NEK7: variants seen among roughly 807,000 people sequenced by gnomAD.
NEK7 encodes serine/threonine-protein kinase Nek7.
NEK7 carries 18 observed loss-of-function variants against 44.6 expected under a neutral mutation model. That is an observed-to-expected ratio of 0.40 (90% CI 0.28 to 0.60). NEK7 has a LOEUF of 0.60. NEK7 is among the 20% of genes least tolerant of loss of function. NEK7 has a pLI of 0.38. For missense variants in NEK7, 256 were observed against 366.5 expected, an observed-to-expected ratio of 0.70 and a Z score of 2.46; for synonymous variants, 130 against 121.1, an observed-to-expected ratio of 1.07 and a Z score of -0.48.
At chr1:198,251,762 C>T (rs1653005013) in intron 2 of NEK7, among the ~76,000 whole-genome samples, 2 of 151,818 alleles carry the variant, frequency 1.3e-5, no homozygotes, top group Non-Finnish European at 2.9e-5. Flanking sequence ...TGATTCTTCT[C>T]TCTTTTCTTC....
intron 1 of NEK7, among the ~76,000 whole-genome samples, chr1:198,222,877 G>A (rs374084764): frequency 3.3e-5 from 5 of 151,864 alleles, no homozygotes; most frequent in Admixed American, 6.6e-5. Context: ...AGAATCAAGC[G>A]GGGGGTGGGG....
At chr1:198,208,300 TTTTGTC>T (rs1415214095) in intron 1 of NEK7, among the ~76,000 whole-genome samples, 3 of 152,248 alleles carry the variant, frequency 2.0e-5, no homozygotes, top group African/African-American at 7.2e-5. Context: ...AATTTTTACT[TTTTGTC>T]TAGGTAGCTG....
chr1:198,295,446 C>T (rs887278321), intron 8 of NEK7, among the ~76,000 whole-genome samples: 7 of 152,070 alleles, frequency 4.6e-5, no homozygotes, highest in African/African-American at 1.7e-4. Flanking sequence ...AAAAATTCAG[C>T]TGCTGGGAGG....
At chr1:198,278,695 G>C (rs1330789413) in intron 6 of NEK7, among the ~76,000 whole-genome samples, 3 of 151,614 alleles carry the variant, frequency 2.0e-5, no homozygotes, top group Non-Finnish European at 4.4e-5. Flanking sequence ...TTTTGAAAAT[G>C]GAAAACAAAA....
chr1:198,228,795 C>T (rs556334721), intron 1 of NEK7, among the ~76,000 whole-genome samples: 1 of 152,156 alleles, frequency 6.6e-6, no homozygotes, highest in African/African-American at 2.4e-5. Context: ...TCTAGATATA[C>T]AATCATGTCA....
chr1:198,296,476 G>A (rs1410796373), intron 8 of NEK7, among the ~76,000 whole-genome samples: 1 of 151,966 alleles, frequency 6.6e-6, no homozygotes, highest in Non-Finnish European at 1.5e-5. Context: ...GTGTTTTTCT[G>A]CATAAAAATC....
rs763768664 is a variant in NEK7, at chr1:198,252,996, G to A, written c.58-44G>A. The A allele has an allele frequency of 1.1e-5, 17 of 1,549,080 alleles. No homozygotes were observed. The Admixed American group carries it at 2.4e-4, about 22-fold the overall frequency. On this transcript the variant is annotated intron_variant, in intron 2 of 9. Transcript: ENST00000367385. Reference sequence around the variant, plus strand: ...TGATCAGTGATTGTGTGTATTGCGTGTATATTGTGTGATTGAAAATTTTTC... The same window carrying A: ...TGATCAGTGATTGTGTGTATTGCGTATATATTGTGTGATTGAAAATTTTTC...
intron 9 of NEK7, among the ~76,000 whole-genome samples, chr1:198,310,327 G>A (rs1416727405): frequency 1.3e-5 from 2 of 151,908 alleles, no homozygotes; most frequent in East Asian, 3.9e-4. Flanking sequence ...TGAGTTCATT[G>A]TAGATTCTGG....
At chr1:198,192,386 A>G (rs1379990796) in intron 1 of NEK7, among the ~76,000 whole-genome samples, 3 of 139,018 alleles carry the variant, frequency 2.2e-5, no homozygotes, top group South Asian at 2.2e-4. Flanking sequence ...TTTGTTTTCT[A>G]TTTTCTCTAT....
chr1:198,214,262 G>GA lies in NEK7; in HGVS notation c.-28-18285dup, dbSNP rs201599360. Among the ~76,000 whole-genome samples, 312 of 152,134 alleles carry GA rather than the reference G, an allele frequency of 2.1e-3. 1 individual carries two copies. Among genetic ancestry groups the GA allele is most frequent in the African/African-American group, 7.3e-3 (304 of 41,520 alleles). ...ACCTGAAAAATAATTCTGGCAATAT[G>GA]AAAAAATAGGGTTCTATAACACCCC... On this transcript the variant is annotated intron_variant, in intron 1 of 9. Transcript: ENST00000367385.
rs747741733 is a variant in NEK7 at position 198,319,504 on chromosome 1, A to G, written c.891A>G (p.Ala297=). The G allele has an allele frequency of 3.1e-6, 5 of 1,610,878 alleles. No individual in the cohort carries two copies. Among genetic ancestry groups the G allele is most frequent in the Non-Finnish European group, 3.4e-6 (4 of 1,177,972 alleles). ...ATGACGTAGCAAAGAGGATGCATGC[A>G]TGCACTGCAAGCAGCTAAACATGCA... ...YVYDVAKRMH[A]CTASS Residue 297 remains alanine, a synonymous_variant, in exon 10 of 10, where the codon GCA becomes GCG. Transcript: ENST00000367385.
chr1:198,206,007 T>C (rs1439627640), intron 1 of NEK7, among the ~76,000 whole-genome samples: 1 of 152,146 alleles, frequency 6.6e-6, no homozygotes, highest in Non-Finnish European at 1.5e-5. Flanking sequence ...ATATATTATT[T>C]ATTGTCTTAA....
At chr1:198,246,316 C>T (rs146852002) in intron 2 of NEK7, among the ~76,000 whole-genome samples, 3 of 152,156 alleles carry the variant, frequency 2.0e-5, no homozygotes, top group Admixed American at 6.5e-5. Context: ...CACTGGGTGA[C>T]AGGACATGGG....
chr1:198,238,195 T>TC (rs781206720), intron 2 of NEK7, among the ~76,000 whole-genome samples: 7 of 151,952 alleles, frequency 4.6e-5, no homozygotes, highest in South Asian at 4.2e-4. Context: ...AACACACTTC[T>TC]CCCCCCCAGG....
chr1:198,193,798 A>G (rs547360438), intron 1 of NEK7, among the ~76,000 whole-genome samples: 10 of 152,178 alleles, frequency 6.6e-5, no homozygotes, highest in Non-Finnish European at 1.5e-4. Context: ...AACATACCTC[A>G]AAATAAGAGC....
chr1:198,174,736 G>GT (rs1023834194), intron 1 of NEK7, among the ~76,000 whole-genome samples: 13 of 150,198 alleles, frequency 8.7e-5, no homozygotes, highest in East Asian at 2.0e-4. Context: ...AAAGCATTGT[G>GT]TTTTTTTTTG....
intron 2 of NEK7, 112 bp downstream of exon 2, chr1:198,232,749 A>T: frequency 5.2e-6 from 3 of 574,502 alleles, no homozygotes; most frequent in Non-Finnish European, 6.0e-6. Flanking sequence ...CAAAAGTGCT[A>T]ATTTTGAATT....
chr1:198,281,134 A>G (rs921300802), intron 7 of NEK7, among the ~76,000 whole-genome samples: 7 of 152,008 alleles, frequency 4.6e-5, no homozygotes, highest in African/African-American at 1.7e-4. Context: ...TACTTAGAAG[A>G]ATCAGGAAAA....
chr1:198,176,077 A>G (rs1392069435), intron 1 of NEK7, among the ~76,000 whole-genome samples: 3 of 152,182 alleles, frequency 2.0e-5, no homozygotes, highest in Non-Finnish European at 2.9e-5. Flanking sequence ...AATTTAAACT[A>G]AGGTTTCCTG....
Sources: gnomAD v4.1 joint callset for allele counts (sites outside exome capture counted in the v4.1 genomes callset) on GRCh38, gnomAD v4.1.1 for gene constraint, MANE v1.5 for transcripts, NCBI Gene and HGNC (gene_info 2026-07-23, HGNC 2026-07-21) for gene names.